The following FAF1 variants were observed in gnomAD, a reference collection of about 807,000 sequenced individuals.
FAF1 encodes the protein Fas associated factor 1, also known as FAS-associated factor 1.
In FAF1, 25 loss-of-function variants were observed where a neutral mutation model predicts 92.5. The ratio of observed to expected loss-of-function variants is 0.27; its 90% confidence interval spans 0.20 to 0.38. The LOEUF (loss-of-function observed/expected upper bound fraction) is 0.38, where lower values mean the gene tolerates loss of function less well. Among genes scored for constraint, FAF1 ranks in the 10% least tolerant of loss-of-function variants. The pLI is 1.00. For synonymous variants in FAF1, 234 were observed against 273.2 expected, an observed-to-expected ratio of 0.86 and a Z score of 1.42; for missense variants, 636 against 793.3, an observed-to-expected ratio of 0.80 and a Z score of 2.38.
intron 7 of FAF1, among the ~76,000 whole-genome samples, chr1:50,679,273 A>C (rs186216731): frequency 1.3e-5 from 2 of 151,912 alleles, no homozygotes; most frequent in Admixed American, 1.3e-4. Flanking sequence ...TGCTCTGCCT[A>C]TGGAGTAACC....
intron 8 of FAF1, among the ~76,000 whole-genome samples, chr1:50,630,160 C>T (rs528329112): frequency 2.6e-4 from 39 of 151,994 alleles, no homozygotes; most frequent in African/African-American, 9.4e-4. Context: ...ATTAATAAAG[C>T]AAAGATAATA....
intron 4 of FAF1, among the ~76,000 whole-genome samples, chr1:50,778,484 C>T (rs1010530548): frequency 2.0e-5 from 3 of 152,030 alleles, no homozygotes; most frequent in Non-Finnish European, 4.4e-5. Flanking sequence ...CTACTGTTGA[C>T]CAGAAACCTT....
rs186309140 is a variant in FAF1 at position 50,623,503 on chromosome 1, A to C, written c.745-27287T>G. 4.1e-4 allele frequency among the ~76,000 whole-genome samples: 62 copies of C among 151,752 alleles called. No individual in the cohort carries two copies. The East Asian group carries it at 0.011, about 26-fold the overall frequency. Reference sequence around the variant, plus strand: ...AGAATTGCTTGAACCCGGCAGGTGGAGGGCAAGTTGCAGTGAGCTGAGATC... The same window carrying C: ...AGAATTGCTTGAACCCGGCAGGTGGCGGGCAAGTTGCAGTGAGCTGAGATC... On this transcript the variant is annotated intron_variant, in intron 8 of 18. Coordinates refer to ENST00000396153, the MANE Select transcript of FAF1 (RefSeq NM_007051.3).
chr1:50,761,535 T>TAC (rs1258798904), intron 4 of FAF1, among the ~76,000 whole-genome samples: 2 of 152,048 alleles, frequency 1.3e-5, no homozygotes, highest in African/African-American at 4.8e-5. Flanking sequence ...TGGTTCAATA[T>TAC]ACGCAAATCA....
chr1:50,708,543 G>A (rs1033912405), intron 6 of FAF1, among the ~76,000 whole-genome samples: 2 of 151,948 alleles, frequency 1.3e-5, no homozygotes, highest in Admixed American at 6.6e-5. Flanking sequence ...ATGTCATGTA[G>A]AGTTGAATAT....
chr1:50,477,077 A>G (rs530827064), intron 17 of FAF1, among the ~76,000 whole-genome samples: 7 of 152,364 alleles, frequency 4.6e-5, no homozygotes, highest in Non-Finnish European at 8.8e-5. Context: ...TTGCTCAGAC[A>G]CAAGTATGGA....
chr1:50,861,709 A>G (rs1197205334), intron 1 of FAF1, among the ~76,000 whole-genome samples: 3 of 151,912 alleles, frequency 2.0e-5, no homozygotes, highest in Admixed American at 1.3e-4. Flanking sequence ...AAAAATAAAA[A>G]GTTATTTAAA....
At chr1:50,457,326 C>G (rs1244718687) in intron 18 of FAF1, among the ~76,000 whole-genome samples, 2 of 152,040 alleles carry the variant, frequency 1.3e-5, no homozygotes, top group African/African-American at 2.4e-5. Context: ...GCGGTGAGGT[C>G]CTGGGGAATC....
At chr1:50,782,423 T>C (rs116704217) in intron 4 of FAF1, among the ~76,000 whole-genome samples, 1,986 of 152,100 alleles carry the variant, frequency 0.013, 43 homozygotes, top group African/African-American at 0.044. Context: ...AGTTAAAAAA[T>C]AATAATTAAA....
intron 4 of FAF1, among the ~76,000 whole-genome samples, chr1:50,773,422 AATCT>A (rs1470883885): frequency 6.6e-6 from 1 of 152,240 alleles, no homozygotes; most frequent in Non-Finnish European, 1.5e-5. Flanking sequence ...AGATGGGAAC[AATCT>A]ATGTGCCCGT....
intron 2 of FAF1, among the ~76,000 whole-genome samples, chr1:50,856,294 C>T (rs900519361): frequency 6.6e-6 from 1 of 151,632 alleles, no homozygotes; most frequent in African/African-American, 2.4e-5. Flanking sequence ...ATAGACACTC[C>T]CAAAATATAC....
intron 2 of FAF1, among the ~76,000 whole-genome samples, chr1:50,817,280 A>G (rs762975717): frequency 6.6e-6 from 1 of 152,230 alleles, no homozygotes; most frequent in African/African-American, 2.4e-5. Context: ...AATGTAATAT[A>G]TCCATACAAT....
At chr1:50,660,716 G>A (rs1288976820) in intron 7 of FAF1, among the ~76,000 whole-genome samples, 3 of 151,856 alleles carry the variant, frequency 2.0e-5, no homozygotes, top group African/African-American at 4.8e-5. Flanking sequence ...CTAGTCTCGA[G>A]CTCCTGACCT....
At chr1:50,547,797 T>A (rs1021171060) in intron 13 of FAF1, among the ~76,000 whole-genome samples, 15 of 152,250 alleles carry the variant, frequency 9.9e-5, no homozygotes, top group African/African-American at 3.1e-4. Flanking sequence ...ACTTAAAGTT[T>A]AATAACAAGG....
intron 12 of FAF1, among the ~76,000 whole-genome samples, chr1:50,573,826 A>C (rs1003137611): frequency 3.3e-5 from 5 of 151,414 alleles, no homozygotes; most frequent in African/African-American, 4.9e-5. Flanking sequence ...ACAAAAAAAA[A>C]AAAAACAAAA....
At chr1:50,740,872 A>G (rs955413366) in intron 5 of FAF1, among the ~76,000 whole-genome samples, 5 of 152,008 alleles carry the variant, frequency 3.3e-5, no homozygotes, top group African/African-American at 1.2e-4. Context: ...TTCTCTTTTT[A>G]TCTTTCATTG....
intron 8 of FAF1, among the ~76,000 whole-genome samples, chr1:50,625,270 T>C (rs10788929): frequency 0.092 from 13,984 of 152,180 alleles, 822 homozygotes; most frequent in African/African-American, 0.17. Flanking sequence ...TGATACAACT[T>C]CTCACACCTT....
intron 1 of FAF1, among the ~76,000 whole-genome samples, chr1:50,923,200 C>CT (rs1279605993): frequency 6.6e-6 from 1 of 152,164 alleles, no homozygotes; most frequent in Non-Finnish European, 1.5e-5. Context: ...GGAAGGATTG[C>CT]TTAAGCCCAG....
At chr1:50,762,323 G>C (rs915629377) in intron 4 of FAF1, among the ~76,000 whole-genome samples, 2 of 152,128 alleles carry the variant, frequency 1.3e-5, no homozygotes, top group Admixed American at 6.6e-5. Flanking sequence ...TTTCTTCACA[G>C]AATTGGAAAA....
Sources: allele counts gnomAD v4.1 joint callset (sites outside exome capture counted in the v4.1 genomes callset), GRCh38; gene constraint gnomAD v4.1.1; transcripts MANE v1.5; gene names NCBI Gene and HGNC (gene_info 2026-07-23, HGNC 2026-07-21).